Variants in ARHGAP27 observed in about 807,000 individuals in gnomAD.
ARHGAP27 encodes Rho GTPase activating protein 27, also known as rho GTPase-activating protein 27.
In ARHGAP27, 53 loss-of-function variants were observed where a neutral mutation model predicts 102.0. The ratio of observed to expected loss-of-function variants is 0.52; its 90% CI spans 0.42 to 0.65. The LOEUF (loss-of-function observed/expected upper bound fraction) is 0.65. Among genes scored for constraint, ARHGAP27 ranks in the 30% least tolerant of loss-of-function variants. The pLI is 0.00. For missense variants in ARHGAP27, 1,117 were observed against 1,256.2 expected, an observed-to-expected ratio of 0.89 and a Z score of 1.68; for synonymous variants, 525 against 542.8, an observed-to-expected ratio of 0.97 and a Z score of 0.46.
Position 45,410,239 on chromosome 17 carries a change from G to T in ARHGAP27, c.658-4156C>A, listed in dbSNP as rs8064860. On this transcript the variant is annotated intron_variant, in intron 4 of 19. Transcript: ENST00000685559. ...GACCCCAGCATCCCCTACCTGTGCC[G>T]GCAAGGCTCGACTCTGCCTCCTGGT... The T allele has an allele frequency of 0.012, 17,640 of 1,533,710 alleles. 1,631 individuals carry two copies. The African/African-American group carries it at 0.21, about 18-fold the overall frequency.
chr17:45,418,090 T>C (rs1385635392), intron 4 of ARHGAP27, among the ~76,000 whole-genome samples: 1 of 149,076 alleles, frequency 6.7e-6, no homozygotes, highest in African/African-American at 2.5e-5. Flanking sequence ...CATTTTCTTT[T>C]TTTTTCAGTT....
At chr17:45,405,584 C>A in intron 5 of ARHGAP27, 92 bp downstream of exon 5, 2 of 1,467,742 alleles carry the variant, frequency 1.4e-6, no homozygotes, top group South Asian at 2.7e-5. Flanking sequence ...CATCACCACC[C>A]CCTCACCCGT....
chr17:45,416,273 C>T (rs2048444769), intron 4 of ARHGAP27, among the ~76,000 whole-genome samples: 1 of 151,410 alleles, frequency 6.6e-6, no homozygotes, highest in East Asian at 1.9e-4. Context: ...CCAGGATGGT[C>T]TCAATCTCCT....
intron 4 of ARHGAP27, among the ~76,000 whole-genome samples, chr17:45,423,778 G>A (rs1430897078): frequency 6.6e-6 from 1 of 152,168 alleles, no homozygotes; most frequent in Non-Finnish European, 1.5e-5. Context: ...AAATGAAAAA[G>A]CAGAAGGCAC....
In ARHGAP27 at chr17:45,430,343, C is replaced by G; in HGVS notation, c.-18-46G>C. ...GGCCGCGGAGGTCAAGACCACCGAGCCTGGAATAGCCCCGCACTCGGGGAC... is the reference window on the plus strand; with the variant it reads ...GGCCGCGGAGGTCAAGACCACCGAGGCTGGAATAGCCCCGCACTCGGGGAC... On this transcript the variant is annotated intron_variant, in intron 3 of 19. Transcript: ENST00000685559. The surrounding 1 kb of genome is among the most constrained non-coding windows in gnomAD (Gnocchi z 4.4). The G allele has an allele frequency of 1.3e-6, 2 of 1,508,178 alleles. No individual in the cohort carries two copies. Among genetic ancestry groups the G allele is most frequent in the Non-Finnish European group, 8.8e-7 (1 of 1,137,046 alleles). 93.4% of individuals were successfully genotyped at this position (1,508,178 alleles called of 1,614,324 possible).
intron 4 of ARHGAP27, chr17:45,410,187 G>A (rs1397119169): frequency 6.5e-7 from 1 of 1,530,338 alleles, no homozygotes; most frequent in Admixed American, 2.0e-5. Flanking sequence ...AACAGGGCTT[G>A]TGGTAGAGGC....
intron 4 of ARHGAP27, among the ~76,000 whole-genome samples, chr17:45,418,835 G>C (rs1480136907): frequency 6.6e-6 from 1 of 152,164 alleles, no homozygotes; most frequent in Admixed American, 6.5e-5. Flanking sequence ...CAGGAGCTGA[G>C]GAGGGCCAAA....
chr17:45,430,751 T>G lies in ARHGAP27; in HGVS notation c.-18-454A>C, dbSNP rs1344799151. ...CCCGGCTCTGTCCCGCCTGGAAGCC[T>G]CCCGCCCGCAGAGAATCAGCAGAGG... On this transcript the variant is annotated intron_variant, in intron 3 of 19. Coordinates refer to ENST00000685559, the MANE Select transcript of ARHGAP27 (RefSeq NM_001282290.2). The surrounding 1 kb of genome is among the most constrained non-coding windows in gnomAD (Gnocchi z 4.4). Among the ~76,000 whole-genome samples the G allele has an allele frequency of 3.3e-5, 5 of 151,910 alleles. No homozygotes were observed. The highest frequency in any genetic ancestry group is 7.4e-5 in the Non-Finnish European group (5 of 67,964).
At chr17:45,431,259 G>C (rs1415947328) in intron 3 of ARHGAP27, among the ~76,000 whole-genome samples, 1 of 152,218 alleles carries the variant, frequency 6.6e-6, no homozygotes, top group Non-Finnish European at 1.5e-5. Flanking sequence ...GGATGGGGGA[G>C]AGCCTAACTA....
At chr17:45,403,474 T>C (rs2046713281) in intron 11 of ARHGAP27, 145 bp downstream of exon 11, 1 of 654,174 alleles carries the variant, frequency 1.5e-6, no homozygotes, top group Non-Finnish European at 2.6e-6. Context: ...GCAGGAGCAC[T>C]CAGGAGGGAG....
At chr17:45,395,912 G>A in intron 18 of ARHGAP27, 63 bp from the exon 19 acceptor site, 1 of 1,566,266 alleles carries the variant, frequency 6.4e-7, no homozygotes, top group East Asian at 2.4e-5. Flanking sequence ...TCGGCTGGGC[G>A]AGGGGAGCCT....
chr17:45,413,351 G>A (rs1368620384), intron 4 of ARHGAP27, among the ~76,000 whole-genome samples: 1 of 152,086 alleles, frequency 6.6e-6, no homozygotes, highest in East Asian at 1.9e-4. Context: ...CTTTTCTTGG[G>A]CTTGGGGCAG....
chr17:45,425,912 T>TC (rs1204866399), intron 4 of ARHGAP27, among the ~76,000 whole-genome samples: 1 of 152,068 alleles, frequency 6.6e-6, no homozygotes, highest in Non-Finnish European at 1.5e-5. Flanking sequence ...CCTGCTTACC[T>TC]CCCCCGTCTC....
chr17:45,401,412 A>T (rs1391748767), intron 12 of ARHGAP27, among the ~76,000 whole-genome samples: 1 of 152,248 alleles, frequency 6.6e-6, no homozygotes, highest in Non-Finnish European at 1.5e-5. Flanking sequence ...AGAGTAGCTC[A>T]TGAGATGAAA....
At chr17:45,425,517 G>A in intron 4 of ARHGAP27, 1 of 976,322 alleles carries the variant, frequency 1.0e-6, no homozygotes, top group Non-Finnish European at 1.2e-6. Context: ...GAGAGATTGG[G>A]GAAACTGCTG....
chr17:45,396,350 G>A, intron 16 of ARHGAP27, 66 bp from the exon 17 acceptor site: 1 of 1,513,226 alleles, frequency 6.6e-7, no homozygotes. Context: ...ACGGGTCCCT[G>A]CTATGACTCC....
At chr17:45,399,806 A>G (rs1161686940) in intron 12 of ARHGAP27, among the ~76,000 whole-genome samples, 2 of 152,218 alleles carry the variant, frequency 1.3e-5, no homozygotes, top group Admixed American at 6.5e-5. Context: ...AAACATAATC[A>G]GTTCATATTT....
Position 45,395,617 on chromosome 17 carries a change from C to G in ARHGAP27, c.2509G>C (p.Glu837Gln). The G allele has an allele frequency of 6.2e-7, 1 of 1,605,896 alleles. No individual in the cohort carries two copies. Among genetic ancestry groups the G allele is most frequent in the Non-Finnish European group, 8.5e-7 (1 of 1,176,568 alleles). The change falls in exon 20 of 20, where the codon GAG becomes CAG. Residue 837 changes from glutamate (E) to glutamine (Q), a missense_variant. Physicochemically the swap from Glu to Gln is conservative, Grantham distance 29. Around this residue, in one of 3 missense-constraint regions of ARHGAP27, gnomAD observed 493 missense variants for 505.5 expected, o/e 0.98. Coordinates refer to ENST00000685559, the MANE Select transcript of ARHGAP27 (RefSeq NM_001282290.2). Reference sequence around the variant, plus strand: ...CTCTGCACCGACATGCGGTTCTGCTCGCCGTGCTCGATCACCCTGTGGCAG... The same window carrying G: ...CTCTGCACCGACATGCGGTTCTGCTGGCCGTGCTCGATCACCCTGTGGCAG... ...QHLCRVIEHG[E>Q]QNRMSVQSVA...
At position 45,396,759 on chromosome 17, in the gene ARHGAP27, C is replaced by G; in HGVS notation, c.1983G>C (p.Glu661Asp). The G allele has an allele frequency of 6.2e-7, 1 of 1,613,566 alleles. No homozygotes were observed. The change falls in exon 15 of 20, where the codon GAG becomes GAC. Residue 661 changes from glutamate (E) to aspartate (D), a missense_variant. Around this residue, in one of 3 missense-constraint regions of ARHGAP27, gnomAD observed 493 missense variants for 505.5 expected, o/e 0.98. Transcript: ENST00000685559. Reference sequence around the variant, plus strand: ...TGTGCCGGACCTTGCTCAAGTCGCTCTCCAGGCCCACGGGGCCCAGGGCGG... The same window carrying G: ...TGTGCCGGACCTTGCTCAAGTCGCTGTCCAGGCCCACGGGGCCCAGGGCGG... ...AAPALGPVGL[E>D]SDLSKVRHKL...
Sources: allele counts gnomAD v4.1 joint callset (sites outside exome capture counted in the v4.1 genomes callset), GRCh38; gene constraint gnomAD v4.1.1; regional missense constraint gnomAD v4.1.1; non-coding constraint Gnocchi (gnomAD v3.1); transcripts MANE v1.5; gene names NCBI Gene and HGNC (gene_info 2026-07-23, HGNC 2026-07-21).